The following EFCAB5 variants were observed in gnomAD, a reference collection of about 807,000 sequenced individuals.
EFCAB5 encodes EF-hand calcium binding domain 5, also known as EF-hand calcium-binding domain-containing protein 5.
EFCAB5 carries 131 observed loss-of-function variants against 167.9 expected under a neutral mutation model. The observed-to-expected ratio is 0.78, with a 90% CI of 0.68 to 0.90. The LOEUF (loss-of-function observed/expected upper bound fraction) is 0.90, where lower values mean the gene tolerates loss of function less well. EFCAB5 is among the 40% of genes least tolerant of loss of function. EFCAB5 has a pLI of 0.00. For missense variants in EFCAB5, 1,663 were observed against 1,745.2 expected, an observed-to-expected ratio of 0.95 and a Z score of 0.84; for synonymous variants, 574 against 602.8, an observed-to-expected ratio of 0.95 and a Z score of 0.70.
intron 2 of EFCAB5, among the ~76,000 whole-genome samples, chr17:29,942,618 G>A (rs1567668305): frequency 1.3e-5 from 2 of 152,002 alleles, no homozygotes; most frequent in Admixed American, 6.6e-5. Context: ...GTAATTTCCA[G>A]GTTAATCATT....
At chr17:29,998,307 T>C (rs1376279483) in intron 6 of EFCAB5, among the ~76,000 whole-genome samples, 1 of 152,198 alleles carries the variant, frequency 6.6e-6, no homozygotes, top group Non-Finnish European at 1.5e-5. Flanking sequence ...AGAACTCAAT[T>C]TGGGATCCTG....
intron 7 of EFCAB5, chr17:30,031,956 G>C (rs2069491364): frequency 2.0e-5 from 3 of 151,932 alleles, no homozygotes; most frequent in Admixed American, 2.0e-4. Flanking sequence ...CTTGAGTCTT[G>C]TGACCAAGGC....
chr17:30,100,880 A>G (rs4581755), intron 22 of EFCAB5, among the ~76,000 whole-genome samples: 59,398 of 152,126 alleles, frequency 0.39, 13,874 homozygotes, highest in East Asian at 0.81. Context: ...CTAAGAAAAG[A>G]AAAAGAGTAT....
At chr17:30,082,809 G>T in intron 17 of EFCAB5, 82 bp from the exon 18 acceptor site, 1 of 1,343,294 alleles carries the variant, frequency 7.4e-7, no homozygotes. Context: ...TAAATTACTG[G>T]TAAAGGTAAT....
At chr17:30,012,361 C>A (rs2068925467) in intron 7 of EFCAB5, among the ~76,000 whole-genome samples, 1 of 152,184 alleles carries the variant, frequency 6.6e-6, no homozygotes, top group Non-Finnish European at 1.5e-5. Flanking sequence ...CGCTCCTAGT[C>A]CGCCTTCATG....
chr17:30,100,862 A>G (rs1031951966), intron 22 of EFCAB5, among the ~76,000 whole-genome samples: 3 of 152,184 alleles, frequency 2.0e-5, no homozygotes, highest in African/African-American at 7.2e-5. Flanking sequence ...GCTTGATGTT[A>G]TTTTATCCTA....
chr17:30,089,224 T>A (rs936776784), intron 19 of EFCAB5, among the ~76,000 whole-genome samples: 6 of 152,146 alleles, frequency 3.9e-5, no homozygotes, highest in Admixed American at 6.5e-5. Context: ...AGAACAGATG[T>A]CTTTGGAGGA....
At chr17:30,073,061 A>C (rs1362070551) in intron 14 of EFCAB5, 1 of 520,352 alleles carries the variant, frequency 1.9e-6, no homozygotes, top group South Asian at 2.2e-5. Context: ...CCCAACCTTT[A>C]TTTTTTTTTT....
chr17:30,072,566 T>G (rs919405071), intron 14 of EFCAB5, among the ~76,000 whole-genome samples: 40 of 152,224 alleles, frequency 2.6e-4, no homozygotes, highest in Non-Finnish European at 4.4e-5. Flanking sequence ...TCTTCCATCT[T>G]TCTTTGATTT....
At chr17:30,095,382 C>T (rs2071274196) in intron 22 of EFCAB5, among the ~76,000 whole-genome samples, 1 of 152,182 alleles carries the variant, frequency 6.6e-6, no homozygotes, top group African/African-American at 2.4e-5. Flanking sequence ...TATAAAGAAA[C>T]CCACCAGCTT....
intron 12 of EFCAB5, 89 bp from the exon 13 acceptor site, chr17:30,057,587 C>A: frequency 9.2e-7 from 1 of 1,086,320 alleles, no homozygotes; most frequent in Non-Finnish European, 1.3e-6. Flanking sequence ...TCAAAAATGG[C>A]AGATATTCAT....
At chr17:30,000,590 C>T (rs1188387238) in intron 7 of EFCAB5, among the ~76,000 whole-genome samples, 2 of 152,106 alleles carry the variant, frequency 1.3e-5, no homozygotes, top group Non-Finnish European at 2.9e-5. Context: ...CTCCATTTCC[C>T]CTTGTTTTTC....
chr17:30,063,810 C>G (rs1327161655), intron 14 of EFCAB5, among the ~76,000 whole-genome samples: 1 of 152,166 alleles, frequency 6.6e-6, no homozygotes, highest in Non-Finnish European at 1.5e-5. Context: ...ACTCCAAAAG[C>G]CCTCAACATC....
chr17:29,973,283 G>A (rs2067996392), intron 4 of EFCAB5, among the ~76,000 whole-genome samples: 1 of 152,132 alleles, frequency 6.6e-6, no homozygotes, highest in Non-Finnish European at 1.5e-5. Context: ...AATCCTTTCT[G>A]CACCAAACTG....
intron 22 of EFCAB5, among the ~76,000 whole-genome samples, chr17:30,095,857 G>C (rs1271846513): frequency 6.6e-6 from 1 of 152,120 alleles, no homozygotes; most frequent in Non-Finnish European, 1.5e-5. Flanking sequence ...AGTCTTTTTG[G>C]ACTTAGTCAT....
At position 30,015,882 on chromosome 17, in the gene EFCAB5, G is replaced by A. The variant is rs181105609; in HGVS notation, c.1044+15906G>A. Among the ~76,000 whole-genome samples, 219 of 151,286 alleles carry A rather than the reference G, an allele frequency of 1.4e-3. 2 individuals are homozygous for A. The highest frequency in any genetic ancestry group is 0.01 in the Admixed American group (154 of 15,140). Reference sequence around the variant, plus strand: ...CAACCTCTGCCTCCCAGGTCCAAACGATTCTCCTGCCTCAGCTTTCCAAGT... The same window carrying A: ...CAACCTCTGCCTCCCAGGTCCAAACAATTCTCCTGCCTCAGCTTTCCAAGT... On this transcript the variant is annotated intron_variant, in intron 7 of 22. Coordinates refer to ENST00000394835, the MANE Select transcript of EFCAB5 (RefSeq NM_198529.4).
chr17:29,953,366 C>T (rs1191967074), intron 3 of EFCAB5, among the ~76,000 whole-genome samples: 1 of 152,184 alleles, frequency 6.6e-6, no homozygotes, highest in African/African-American at 2.4e-5. Flanking sequence ...TGAATTGTAG[C>T]TCCCATAATT....
chr17:30,041,639 AAAG>A (rs1053587374), intron 8 of EFCAB5, among the ~76,000 whole-genome samples: 5 of 152,368 alleles, frequency 3.3e-5, no homozygotes, highest in East Asian at 3.9e-4. Flanking sequence ...TCCAATTTTG[AAAG>A]AAGTTCTACT....
chr17:29,966,111 T>C (rs1332586419), intron 3 of EFCAB5, among the ~76,000 whole-genome samples: 1 of 152,138 alleles, frequency 6.6e-6, no homozygotes, highest in Non-Finnish European at 1.5e-5. Flanking sequence ...AAGTGTACAA[T>C]TCAGAGCCAT....
Sources: gnomAD v4.1 joint callset for allele counts (sites outside exome capture counted in the v4.1 genomes callset) on GRCh38, gnomAD v4.1.1 for gene constraint, MANE v1.5 for transcripts, NCBI Gene and HGNC (gene_info 2026-07-23, HGNC 2026-07-21) for gene names.